Variants in C5orf34 observed in about 807,000 individuals in gnomAD.
The protein encoded by C5orf34 is uncharacterized protein C5orf34.
Under a neutral mutation model 78.4 loss-of-function variants are expected in C5orf34, and 73 were observed. That is an observed-to-expected ratio of 0.93 (90% CI 0.77 to 1.13). The LOEUF (loss-of-function observed/expected upper bound fraction) is 1.13. Ranked by LOEUF, C5orf34 falls within the 50% of genes most tolerant of loss-of-function variation. The pLI is 0.00. For missense variants in C5orf34, 730 were observed against 732.7 expected (o/e 1.00, Z 0.04); for synonymous variants, 251 against 246.6 (o/e 1.02, Z -0.17).
chr5:43,492,668 G>T (rs1745330029), intron 9 of C5orf34, 52 bp downstream of exon 9: 1 of 1,467,718 alleles, frequency 6.8e-7, no homozygotes, highest in African/African-American at 1.4e-5. Context: ...TCTTTGTTCT[G>T]TTTTCCACAG....
rs750966897 is a variant in C5orf34, at chr5:43,502,387, T to C, written c.1137A>G (p.Gln379=). 5 of 1,612,186 alleles carry C rather than the reference T, an allele frequency of 3.1e-6. No homozygotes were observed. In the South Asian group the frequency reaches 3.3e-5, roughly 11 times the overall value. ...GTTGGCTTACCTTTCCTGATCCTTCTTGAATAGAATAATAAGTAAAATAGT... is the reference window on the plus strand; with the variant it reads ...GTTGGCTTACCTTTCCTGATCCTTCCTGAATAGAATAATAAGTAAAATAGT... ...FGNYFTYYSI[Q]EGSGKREEKT... is the part of the protein sequence containing the mutation. Residue 379 remains glutamine, a synonymous_variant, in exon 6 of 13, where the codon CAA becomes CAG. Coordinates refer to ENST00000306862, the MANE Select transcript of C5orf34 (RefSeq NM_198566.4).
At chr5:43,489,584 T>C (rs1463489560) in intron 11 of C5orf34, among the ~76,000 whole-genome samples, 4 of 152,130 alleles carry the variant, frequency 2.6e-5, no homozygotes, top group African/African-American at 9.6e-5. Flanking sequence ...TTTCCTTCCA[T>C]CACAATTGTT....
rs750858141 is a variant in C5orf34, at chr5:43,505,998, CAGGCGA to C, written c.676_681del (p.Ser226_Pro227del). 18 of 1,614,142 alleles carry C rather than the reference CAGGCGA, an allele frequency of 1.1e-5. No individual in the cohort carries two copies. The Admixed American group carries it at 3.0e-4, about 27-fold the overall frequency. ...GTGTATACACATGTGTGCTTTGTAC[CAGGCGA>C]AGGCAGCTCTTCCCTCCCTTCAGTT... On this transcript the variant is annotated inframe_deletion, in exon 4 of 13. Coordinates refer to ENST00000306862, the MANE Select transcript of C5orf34 (RefSeq NM_198566.4).
rs558606650 is a variant in C5orf34 at position 43,502,330 on chromosome 5, T to A, written c.1152+42A>T. 23 of 1,603,324 alleles carry A rather than the reference T, an allele frequency of 1.4e-5. No homozygotes were observed. The South Asian group carries it at 2.3e-4, about 16-fold the overall frequency. ...ATTTGGAATTATTTAGAAAGAGCTA[T>A]ACAGCAAAACTCTTCTTGAGTTGAG... On this transcript the variant is annotated intron_variant, in intron 6 of 12. Coordinates refer to ENST00000306862, the MANE Select transcript of C5orf34 (RefSeq NM_198566.4).
At position 43,486,764 on chromosome 5, in the gene C5orf34, G is replaced by T; in HGVS notation, c.*151C>A. 2.4e-6 allele frequency: 1 copy of T among 410,774 alleles called. No homozygotes were observed. The highest frequency in any genetic ancestry group is 4.4e-6 in the Non-Finnish European group (1 of 229,636). The allele number at this position is 410,774 out of a possible 1,614,324, so 25.4% of individuals were successfully genotyped here. On this transcript the variant is annotated 3_prime_UTR_variant, in exon 13 of 13. Coordinates refer to ENST00000306862, the MANE Select transcript of C5orf34 (RefSeq NM_198566.4). ...AAATACATATTTTAAAAATGTACAA[G>T]TTAAAAATACCTTCAAAGTTAAATG... is the stretch of plus-strand genomic sequence containing the variant.
intron 11 of C5orf34, among the ~76,000 whole-genome samples, chr5:43,488,607 A>G (rs1745151786): frequency 6.6e-6 from 1 of 152,010 alleles, no homozygotes; most frequent in African/African-American, 2.4e-5. Flanking sequence ...TAGACTACCT[A>G]CTTATTTCAT....
In C5orf34 at chr5:43,492,812, C is replaced by G. The variant is rs1336664003; in HGVS notation, c.1393G>C (p.Ala465Pro). The G allele has an allele frequency of 6.2e-7, 1 of 1,612,640 alleles. No homozygotes were observed. Among genetic ancestry groups the G allele is most frequent in the South Asian group, 1.1e-5 (1 of 91,026 alleles). ...GCATGTACTTTGTCATCAGAGTAGGCAAGAAATCTTCCCACACTGGGTATG... is the reference window on the plus strand; with the variant it reads ...GCATGTACTTTGTCATCAGAGTAGGGAAGAAATCTTCCCACACTGGGTATG... ...SLIPSVGRFLAYSDDKVHAIF... is the reference protein window; with the variant it reads ...SLIPSVGRFLPYSDDKVHAIF... The change falls in exon 9 of 13, where the codon GCC becomes CCC. Residue 465 changes from alanine to proline, a missense_variant. Ala to Pro is a conservative substitution (Grantham distance 27). Coordinates refer to ENST00000306862, the MANE Select transcript of C5orf34 (RefSeq NM_198566.4).
Position 43,506,448 on chromosome 5 carries a change from T to C in C5orf34, c.286-54A>G, listed in dbSNP as rs1745991689. 5 of 1,480,970 alleles carry C rather than the reference T, an allele frequency of 3.4e-6. No homozygotes were observed. In the East Asian group the frequency reaches 1.1e-4, roughly 34 times the overall value. The allele number at this position is 1,480,970 out of a possible 1,614,324, so 91.7% of individuals were successfully genotyped here. A position where few individuals can be genotyped will look rare whatever the true frequency, so the allele number is the denominator to read the frequency against. On this transcript the variant is annotated intron_variant, in intron 3 of 12. Transcript: ENST00000306862. ...AGTATTTTCTGTTAACAGTCCAATTTTTCCATATATTTGATATTTAAGTAT... is the reference window on the plus strand; with the variant it reads ...AGTATTTTCTGTTAACAGTCCAATTCTTCCATATATTTGATATTTAAGTAT...
intron 10 of C5orf34, 69 bp downstream of exon 10, chr5:43,492,146 G>T: frequency 2.0e-6 from 2 of 1,005,230 alleles, no homozygotes; most frequent in Non-Finnish European, 3.0e-6. Flanking sequence ...CTTAAATAAT[G>T]CTTATTGCTT....
At position 43,493,570 on chromosome 5, in the gene C5orf34, A is replaced by T; in HGVS notation, c.1287T>A (p.His429Gln). ...TTTTCCAGCAGCATATACGATAGTTATGGCTTAAAGAAAGTCTCATCTTCA... is the reference window on the plus strand; with the variant it reads ...TTTTCCAGCAGCATATACGATAGTTTTGGCTTAAAGAAAGTCTCATCTTCA... ...HCVKMRLSLS[H>Q]NYRICCWKMV... The change falls in exon 8 of 13, where the codon CAT (histidine) becomes CAA (glutamine). Residue 429 changes from histidine to glutamine, a missense_variant. Coordinates refer to ENST00000306862, the MANE Select transcript of C5orf34 (RefSeq NM_198566.4). The T allele has an allele frequency of 6.3e-7, 1 of 1,580,060 alleles. No individual in the cohort carries two copies. Among genetic ancestry groups the T allele is most frequent in the Non-Finnish European group, 8.6e-7 (1 of 1,159,550 alleles).
At chr5:43,496,021 T>A in intron 6 of C5orf34, 1 of 1,591,712 alleles carries the variant, frequency 6.3e-7, no homozygotes, top group Non-Finnish European at 8.5e-7. Flanking sequence ...CAATTAGTTG[T>A]TTCACACCCA....
intron 6 of C5orf34, among the ~76,000 whole-genome samples, chr5:43,501,085 T>C (rs1232459917): frequency 3.3e-5 from 5 of 152,194 alleles, no homozygotes; most frequent in Non-Finnish European, 5.9e-5. Flanking sequence ...CCATGATATA[T>C]TTGCTTTAGT....
Position 43,495,465 on chromosome 5 carries a change from C to T in C5orf34, c.1153-864G>A. Reference sequence around the variant, plus strand: ...AAGTCAGCTGTTTCCATTGGTGGGTCATTTTTGCTGTCACCAGCAACGTTG... The same window carrying T: ...AAGTCAGCTGTTTCCATTGGTGGGTTATTTTTGCTGTCACCAGCAACGTTG... On this transcript the variant is annotated intron_variant, in intron 6 of 12. Coordinates refer to ENST00000306862, the MANE Select transcript of C5orf34 (RefSeq NM_198566.4). The T allele has an allele frequency of 2.5e-6, 4 of 1,609,636 alleles. No individual in the cohort carries two copies. In the Admixed American group the frequency reaches 6.7e-5, roughly 27 times the overall value.
At chr5:43,493,722 C>A in intron 7 of C5orf34, 110 bp from the exon 8 acceptor site, 1 of 626,868 alleles carries the variant, frequency 1.6e-6, no homozygotes, top group Non-Finnish European at 2.8e-6. Context: ...ATCATTTTCA[C>A]TGAAATGTGT....
At chr5:43,509,006 G>A (rs1653317330) in intron 2 of C5orf34, 139 bp downstream of exon 2, 1 of 659,422 alleles carries the variant, frequency 1.5e-6, no homozygotes, top group Admixed American at 2.9e-5. Flanking sequence ...AAAGGAGGCT[G>A]AGGCAGGAGA....
intron 6 of C5orf34, chr5:43,495,158 A>G (rs1271228730): frequency 6.2e-7 from 1 of 1,608,620 alleles, no homozygotes; most frequent in Non-Finnish European, 8.5e-7. Context: ...GATGACACCC[A>G]CCGCAACTGT....
chr5:43,508,750 T>C, intron 2 of C5orf34, 84 bp from the exon 3 acceptor site: 1 of 854,618 alleles, frequency 1.2e-6, no homozygotes, highest in South Asian at 1.5e-5. Context: ...TAATCCATAA[T>C]ACTAATTACT....
rs748486327 is a variant in C5orf34, at chr5:43,506,034, T to C, written c.646A>G (p.Asn216Asp). The stretch of plus-strand genomic sequence containing the variant: ...AGCTCTTCCCTCCCTTCAGTTCCAT[T>C]TACACAACTCATCTTCTTTAAAGTT... Reference protein sequence around the residue: ...KETLKKMSCVNGTEGREELPS... With the variant: ...KETLKKMSCVDGTEGREELPS... Residue 216 changes from asparagine to aspartate, a missense_variant, in exon 4 of 13, where the codon AAT (asparagine) becomes GAT (aspartate). Asn to Asp is a conservative substitution (Grantham distance 23, BLOSUM62 1). Transcript: ENST00000306862. The C allele has an allele frequency of 4.9e-5, 79 of 1,614,088 alleles. No individual in the cohort carries two copies. The East Asian group carries it at 1.7e-3, about 35-fold the overall frequency.
At chr5:43,508,553 C>CA (rs777572661) in intron 3 of C5orf34, 24 bp downstream of exon 3, 6 of 1,372,306 alleles carry the variant, frequency 4.4e-6, no homozygotes, top group Admixed American at 1.9e-5. Context: ...ATAATACTAA[C>CA]AAAAATGAAG....
Sources: gnomAD v4.1 joint callset for allele counts (sites outside exome capture counted in the v4.1 genomes callset) on GRCh38, gnomAD v4.1.1 for gene constraint, MANE v1.5 for transcripts, NCBI Gene and HGNC (gene_info 2026-07-23, HGNC 2026-07-21) for gene names.